ADAMTSL1: variants seen among roughly 807,000 people sequenced by gnomAD.
ADAMTSL1 encodes ADAMTS-like protein 1.
ADAMTSL1 carries 126 observed loss-of-function variants against 201.8 expected under a neutral mutation model. The ratio of observed to expected loss-of-function variants is 0.62; its 90% CI spans 0.54 to 0.72. ADAMTSL1 has a LOEUF of 0.72. ADAMTSL1 is among the 30% of genes least tolerant of loss of function. The probability of loss-of-function intolerance (pLI) is 0.00; values close to 1 mark genes in which losing one functional copy is unlikely to be tolerated. For missense variants in ADAMTSL1, 2,679 were observed against 2,277.8 expected, an observed-to-expected ratio of 1.18 and a Z score of -3.59; for synonymous variants, 1,121 against 903.4, an observed-to-expected ratio of 1.24 and a Z score of -4.32.
chr9:18,906,268 T>G (rs1228162617), intron 27 of ADAMTSL1, among the ~76,000 whole-genome samples: 1 of 152,156 alleles, frequency 6.6e-6, no homozygotes, highest in East Asian at 1.9e-4. Flanking sequence ...CTCTAGAAGT[T>G]AGGCTAAGAT....
intron 16 of ADAMTSL1, among the ~76,000 whole-genome samples, chr9:18,759,987 T>C (rs948641418): frequency 6.6e-6 from 1 of 152,212 alleles, no homozygotes; most frequent in Non-Finnish European, 1.5e-5. Context: ...ACTGTGTGCA[T>C]AGCACCGTGT....
At chr9:18,124,060 T>A (rs1039652953) in intron 1 of ADAMTSL1, among the ~76,000 whole-genome samples, 1 of 151,200 alleles carries the variant, frequency 6.6e-6, no homozygotes, top group Non-Finnish European at 1.5e-5. Context: ...AGTATCTTTT[T>A]ATGTGCTTAT....
intron 1 of ADAMTSL1, among the ~76,000 whole-genome samples, chr9:18,494,850 G>A (rs1442633801): frequency 6.6e-6 from 1 of 152,160 alleles, no homozygotes; most frequent in Non-Finnish European, 1.5e-5. Context: ...ACACTACTAG[G>A]TCCCATCAGC....
At chr9:18,766,011 C>A (rs10963748) in intron 16 of ADAMTSL1, among the ~76,000 whole-genome samples, 1 of 151,628 alleles carries the variant, frequency 6.6e-6, no homozygotes, top group Non-Finnish European at 1.5e-5. Context: ...ATGCGAAGGC[C>A]CTGTGGGAGA....
chr9:18,719,002 A>G (rs1214570134), intron 14 of ADAMTSL1, among the ~76,000 whole-genome samples: 1 of 152,234 alleles, frequency 6.6e-6, no homozygotes, highest in Non-Finnish European at 1.5e-5. Flanking sequence ...ATAGAAAGCT[A>G]CATCCAGTGA....
chr9:18,165,552 G>A (rs10963483), intron 2 of ADAMTSL1, among the ~76,000 whole-genome samples: 34,126 of 151,604 alleles, frequency 0.23, 3,985 homozygotes, highest in Non-Finnish European at 0.26. Context: ...CCTTTTAATA[G>A]TTATAATTAG....
chr9:18,050,315 T>C (rs1252114154), intron 1 of ADAMTSL1, among the ~76,000 whole-genome samples: 4 of 152,174 alleles, frequency 2.6e-5, no homozygotes, highest in Non-Finnish European at 5.9e-5. Context: ...TAAAAGTAAA[T>C]AGAGACTAAT....
intron 1 of ADAMTSL1, among the ~76,000 whole-genome samples, chr9:17,968,873 A>G (rs920131647): frequency 2.0e-5 from 3 of 152,118 alleles, no homozygotes; most frequent in Non-Finnish European, 2.9e-5. Context: ...AACTGCCTCA[A>G]TGACACTGTA....
intron 2 of ADAMTSL1, among the ~76,000 whole-genome samples, chr9:18,219,021 CATATATCAGTTTCATAAATATGTATGAAT>C (rs1830154352): frequency 1.3e-5 from 2 of 151,916 alleles, no homozygotes; most frequent in Non-Finnish European, 1.5e-5. Flanking sequence ...CTACATCTGT[CATATATCAGTTTCATAAATATGTATGAAT>C]ATATATATAT....
intron 3 of ADAMTSL1, among the ~76,000 whole-genome samples, chr9:18,560,842 G>A (rs1361875575): frequency 1.7e-4 from 25 of 151,440 alleles, no homozygotes; most frequent in South Asian, 4.2e-4. Flanking sequence ...CTGTGGGATC[G>A]GTGGTGATAT....
intron 15 of ADAMTSL1, among the ~76,000 whole-genome samples, chr9:18,745,612 A>C (rs893053810): frequency 2.0e-5 from 3 of 152,160 alleles, no homozygotes; most frequent in African/African-American, 7.2e-5. Context: ...CTGGGATGTC[A>C]TTGCTTCTAG....
chr9:18,372,108 T>A (rs1411912298), intron 2 of ADAMTSL1, among the ~76,000 whole-genome samples: 1 of 152,220 alleles, frequency 6.6e-6, no homozygotes, highest in Admixed American at 6.5e-5. Context: ...CCTCAATGAC[T>A]GATTTAGAGA....
At chr9:18,585,119 A>G (rs892889345) in intron 4 of ADAMTSL1, among the ~76,000 whole-genome samples, 1 of 152,142 alleles carries the variant, frequency 6.6e-6, no homozygotes, top group South Asian at 2.1e-4. Context: ...GTAATATTTT[A>G]TTTTTGTCAC....
At chr9:18,448,400 C>A (rs1334769992) in intron 2 of ADAMTSL1, among the ~76,000 whole-genome samples, 1 of 151,992 alleles carries the variant, frequency 6.6e-6, no homozygotes. Flanking sequence ...GAGATCAGGG[C>A]CAAATGTCAC....
intron 1 of ADAMTSL1, among the ~76,000 whole-genome samples, chr9:18,486,537 C>T (rs1822004951): frequency 6.6e-6 from 1 of 152,106 alleles, no homozygotes. Context: ...AACCTCATCT[C>T]TAAGAAAAAA....
At chr9:18,194,008 T>C (rs1356115464) in intron 2 of ADAMTSL1, among the ~76,000 whole-genome samples, 1 of 152,096 alleles carries the variant, frequency 6.6e-6, no homozygotes, top group African/African-American at 2.4e-5. Flanking sequence ...ACCATGATGA[T>C]AGCAGAAAAG....
chr9:18,639,195 C>T lies in ADAMTSL1; in HGVS notation c.677-59C>T. The T allele has an allele frequency of 5.2e-6, 8 of 1,537,234 alleles. No homozygotes were observed. In the South Asian group the frequency reaches 5.6e-5, roughly 11 times the overall value. ...TCTAAACATTGTTGCATGAAATGTGCTTGCCTGTGGTTGCCCTAGGAACAT... is the reference window on the plus strand; with the variant it reads ...TCTAAACATTGTTGCATGAAATGTGTTTGCCTGTGGTTGCCCTAGGAACAT... On this transcript the variant is annotated intron_variant, in intron 6 of 28. Transcript: ENST00000380548.
intron 1 of ADAMTSL1, among the ~76,000 whole-genome samples, chr9:18,152,298 A>G (rs900202378): frequency 6.6e-6 from 1 of 152,124 alleles, no homozygotes; most frequent in African/African-American, 2.4e-5. Context: ...TTAAGGACTG[A>G]TGAGATTTTA....
chr9:18,396,657 C>G (rs149866008), intron 2 of ADAMTSL1, among the ~76,000 whole-genome samples: 1,555 of 151,260 alleles, frequency 0.01, 12 homozygotes, highest in Middle Eastern at 0.017. Context: ...AGAGTACCAG[C>G]CTTTATCAGC....
Sources: allele counts gnomAD v4.1 joint callset (sites outside exome capture counted in the v4.1 genomes callset), GRCh38; gene constraint gnomAD v4.1.1; transcripts MANE v1.5; gene names NCBI Gene and HGNC (gene_info 2026-07-23, HGNC 2026-07-21).